PRKCB: variants seen among roughly 807,000 people sequenced by gnomAD.
PRKCB encodes the protein protein kinase C beta.
Under a neutral mutation model 81.5 loss-of-function variants are expected in PRKCB, and 13 were observed. That is an observed-to-expected ratio of 0.16 (90% CI 0.10 to 0.25). The LOEUF is 0.25. Ranked by LOEUF, PRKCB falls within the 10% of genes least tolerant of loss-of-function variation. PRKCB has a pLI of 1.00. For synonymous variants in PRKCB, 335 were observed against 321.4 expected, an observed-to-expected ratio of 1.04 and a Z score of -0.45; for missense variants, 509 against 875.7, an observed-to-expected ratio of 0.58 and a Z score of 5.29.
chr16:23,920,392 C>T (rs2188356), intron 2 of PRKCB, among the ~76,000 whole-genome samples: 1 of 151,994 alleles, frequency 6.6e-6, no homozygotes, highest in South Asian at 2.1e-4. Context: ...GGCATTTAAA[C>T]CGATTTTGTG....
At chr16:23,990,920 T>A (rs572456926) in intron 3 of PRKCB, among the ~76,000 whole-genome samples, 3 of 152,196 alleles carry the variant, frequency 2.0e-5, no homozygotes, top group Admixed American at 6.5e-5. Context: ...CAGTCTTTCA[T>A]TGCCCAATAA....
At chr16:24,008,961 T>C (rs2141835942) in intron 3 of PRKCB, among the ~76,000 whole-genome samples, 1 of 152,358 alleles carries the variant, frequency 6.6e-6, no homozygotes, top group African/African-American at 2.4e-5. Flanking sequence ...TTTGTTTTCC[T>C]GTGACTAGTG....
At position 24,039,991 on chromosome 16, in the gene PRKCB, C is replaced by A. The variant is rs140373493; in HGVS notation, c.529+4444C>A. On this transcript the variant is annotated intron_variant, in intron 5 of 16. Transcript: ENST00000643927. ...GTGGAATGGCCCCACCTCATCCAGACCCAAGAAGCATGGTCAGTATTAGGA... is the reference window on the plus strand; with the variant it reads ...GTGGAATGGCCCCACCTCATCCAGAACCAAGAAGCATGGTCAGTATTAGGA... Among the ~76,000 whole-genome samples the A allele has an allele frequency of 1.9e-3, 297 of 152,314 alleles. 2 individuals are homozygous for A. Among genetic ancestry groups the A allele is most frequent in the African/African-American group, 6.9e-3 (287 of 41,568 alleles).
intron 2 of PRKCB, among the ~76,000 whole-genome samples, chr16:23,958,692 C>CTTCTCCTCCTCCTCTTCTTCT (rs1964383515): frequency 2.7e-5 from 2 of 72,802 alleles, no homozygotes; most frequent in African/African-American, 6.0e-5. Flanking sequence ...ATTTCTTCTT[C>CTTCTCCTCCTCCTCTTCTTCT]TTCTCCTCCT....
chr16:23,855,130 G>T (rs1962542299), intron 2 of PRKCB, among the ~76,000 whole-genome samples: 1 of 152,026 alleles, frequency 6.6e-6, no homozygotes, highest in African/African-American at 2.4e-5. Flanking sequence ...TGAGGAGGGA[G>T]AGAATAAAGA....
chr16:23,857,703 A>T (rs544683228), intron 2 of PRKCB, among the ~76,000 whole-genome samples: 23 of 148,364 alleles, frequency 1.6e-4, no homozygotes, highest in African/African-American at 3.0e-4. Context: ...TGAGGATGTG[A>T]GAGAGAGAGA....
At position 24,209,446 on chromosome 16, in the gene PRKCB, C is replaced by T. The variant is rs966680429; in HGVS notation, c.1864-5212C>T. Among the ~76,000 whole-genome samples, 7 of 152,234 alleles carry T rather than the reference C, an allele frequency of 4.6e-5. No individual in the cohort carries two copies. In the South Asian group the frequency reaches 1.2e-3, roughly 27 times the overall value. ...CAGCTGAGGGGACTCCTTGACGTGTCCTCTGGAATTTTGAACTTATCAAAA... is the reference window on the plus strand; with the variant it reads ...CAGCTGAGGGGACTCCTTGACGTGTTCTCTGGAATTTTGAACTTATCAAAA... On this transcript the variant is annotated intron_variant, in intron 16 of 16. Coordinates refer to ENST00000643927, the MANE Select transcript of PRKCB (RefSeq NM_002738.7).
intron 2 of PRKCB, among the ~76,000 whole-genome samples, chr16:23,880,522 T>G (rs1963089717): frequency 6.6e-6 from 1 of 152,148 alleles, no homozygotes; most frequent in Non-Finnish European, 1.5e-5. Flanking sequence ...TCTGTGGGTG[T>G]CTGACAGCCT....
chr16:24,096,667 ATATATAT>A (rs1445720312), intron 7 of PRKCB, among the ~76,000 whole-genome samples: 4 of 17,808 alleles, frequency 2.2e-4, no homozygotes, highest in Non-Finnish European at 6.2e-4. Flanking sequence ...AAAAAAAAAA[ATATATAT>A]ATATATATAT....
At chr16:24,009,275 G>T (rs62029624) in intron 3 of PRKCB, among the ~76,000 whole-genome samples, 1 of 151,954 alleles carries the variant, frequency 6.6e-6, no homozygotes, top group East Asian at 1.9e-4. Flanking sequence ...ACCTTCACAC[G>T]GGCTAAGGAC....
chr16:24,150,034 A>G (rs1395423885), intron 9 of PRKCB, among the ~76,000 whole-genome samples: 1 of 152,202 alleles, frequency 6.6e-6, no homozygotes. Context: ...ACAGTGGTAG[A>G]AAAGGACCAC....
rs554707106 is a variant in PRKCB at position 23,945,380 on chromosome 16, T to C, written c.206-43128T>C. ...TCCTTCCCCTGCCACTGTTGGGATG[T>C]CTTTTTAATTTCCTTCCCTCATTTG... On this transcript the variant is annotated intron_variant, in intron 2 of 16. Coordinates refer to ENST00000643927, the MANE Select transcript of PRKCB (RefSeq NM_002738.7). Among the ~76,000 whole-genome samples the C allele has an allele frequency of 3.3e-5, 5 of 152,358 alleles. No individual in the cohort carries two copies. In the South Asian group the frequency reaches 1.0e-3, roughly 32 times the overall value.
At chr16:24,133,842 C>T (rs976436925) in intron 9 of PRKCB, among the ~76,000 whole-genome samples, 6 of 151,972 alleles carry the variant, frequency 3.9e-5, no homozygotes, top group African/African-American at 1.5e-4. Flanking sequence ...TCAGTTGCCT[C>T]TTGCCATCTC....
chr16:23,853,331 G>C (rs1236409839), intron 2 of PRKCB, among the ~76,000 whole-genome samples: 1 of 152,162 alleles, frequency 6.6e-6, no homozygotes, highest in East Asian at 1.9e-4. Context: ...AGTCACACAG[G>C]ACCCCAGGGT....
At chr16:24,154,955 C>G in intron 10 of PRKCB, 98 bp downstream of exon 10, 1 of 1,353,580 alleles carries the variant, frequency 7.4e-7, no homozygotes, top group Non-Finnish European at 1.0e-6. Context: ...ATACCTGCAC[C>G]CTTCCCTTTC....
chr16:23,956,768 G>T (rs1964354540), intron 2 of PRKCB, among the ~76,000 whole-genome samples: 1 of 152,030 alleles, frequency 6.6e-6, no homozygotes, highest in Admixed American at 6.6e-5. Flanking sequence ...TCTAGCTGTG[G>T]CATAAGAGAC....
Position 23,871,858 on chromosome 16 carries a change from GT to G in PRKCB, c.205+34474del, listed in dbSNP as rs61498403. Among the ~76,000 whole-genome samples the G allele has an allele frequency of 2.3e-3, 345 of 146,916 alleles. 2 individuals are homozygous for G. The highest frequency in any genetic ancestry group is 0.011 in the East Asian group (54 of 5,020). Reference sequence around the variant, plus strand: ...CTCTCAGCCTCCCAAAGTTATACAGGTTTTTTTTTTTTTTTTTTTTTTAAAT... The same window carrying G: ...CTCTCAGCCTCCCAAAGTTATACAGGTTTTTTTTTTTTTTTTTTTTTAAAT... On this transcript the variant is annotated intron_variant, in intron 2 of 16. Coordinates refer to ENST00000643927, the MANE Select transcript of PRKCB (RefSeq NM_002738.7).
At chr16:23,992,380 A>C (rs1244992528) in intron 3 of PRKCB, among the ~76,000 whole-genome samples, 1 of 152,180 alleles carries the variant, frequency 6.6e-6, no homozygotes, top group Non-Finnish European at 1.5e-5. Flanking sequence ...TAATTACCCT[A>C]TTTCTAGTAG....
intron 5 of PRKCB, among the ~76,000 whole-genome samples, chr16:24,076,342 G>A (rs139933723): frequency 0.011 from 1,678 of 152,316 alleles, 35 homozygotes; most frequent in African/African-American, 0.039. Flanking sequence ...AGAGGTGAAA[G>A]GTGGGGCTAA....
Sources: gnomAD v4.1 joint callset for allele counts (sites outside exome capture counted in the v4.1 genomes callset) on GRCh38, gnomAD v4.1.1 for gene constraint, MANE v1.5 for transcripts, NCBI Gene and HGNC (gene_info 2026-07-23, HGNC 2026-07-21) for gene names.